The following TLR3 variants were observed in gnomAD, a reference collection of about 807,000 sequenced individuals.
The protein encoded by TLR3 is toll-like receptor 3.
TLR3 carries 43 observed loss-of-function variants against 66.4 expected under a neutral mutation model. The observed-to-expected ratio is 0.65, with a 90% CI of 0.51 to 0.83. The LOEUF (loss-of-function observed/expected upper bound fraction) is 0.83. Among genes scored for constraint, TLR3 ranks in the 40% least tolerant of loss-of-function variants. The pLI, the probability that TLR3 is intolerant of heterozygous loss-of-function variation, is 0.00. For synonymous variants in TLR3, 397 were observed against 397.2 expected, an observed-to-expected ratio of 1.00 and a Z score of 0.01; for missense variants, 982 against 1,044.6, an observed-to-expected ratio of 0.94 and a Z score of 0.83.
intron 4 of TLR3, 49 bp downstream of exon 4, chr4:186,084,221 A>ATT: frequency 6.8e-7 from 1 of 1,481,334 alleles, no homozygotes; most frequent in Non-Finnish European, 9.3e-7. Context: ...TTTCAATTAA[A>ATT]TTTCTTTTTT....
chr4:186,075,474 T>C (rs948998669), intron 1 of TLR3, among the ~76,000 whole-genome samples: 1 of 151,866 alleles, frequency 6.6e-6, no homozygotes, highest in Non-Finnish European at 1.5e-5. Context: ...ATTTAAAAAA[T>C]AATAAAAAAT....
rs1225303047 is a variant in TLR3, at chr4:186,076,946, T to C, written c.327T>C (p.Asn109=). 6.2e-7 allele frequency: 1 copy of C among 1,614,202 alleles called. No individual in the cohort carries two copies. Among genetic ancestry groups the C allele is most frequent in the Non-Finnish European group, 8.5e-7 (1 of 1,180,038 alleles). ...TAAAAGTTTTGAACCTCCAGCACAA[T>C]GAGCTATCTCAACTTTCTGATAAAA... ...PMLKVLNLQH[N]ELSQLSDKTF... The change falls in exon 2 of 5, where the codon AAT becomes AAC. Residue 109 remains asparagine, a synonymous_variant. Coordinates refer to ENST00000296795, the MANE Select transcript of TLR3 (RefSeq NM_003265.3).
chr4:186,076,231 A>G (rs183466000), intron 1 of TLR3, among the ~76,000 whole-genome samples: 4 of 152,358 alleles, frequency 2.6e-5, no homozygotes, highest in East Asian at 3.9e-4. Flanking sequence ...AGAATGAGAG[A>G]AAAATATAAT....
rs777541344 is a variant in TLR3, at chr4:186,083,663, T to C, written c.1977T>C (p.Asn659=). 8 of 1,596,510 alleles carry C rather than the reference T, an allele frequency of 5.0e-6. No homozygotes were observed. In the East Asian group the frequency reaches 6.7e-5, roughly 13 times the overall value. Residue 659 remains asparagine (N), a synonymous_variant, in exon 4 of 5, where the codon AAT becomes AAC. Coordinates refer to ENST00000296795, the MANE Select transcript of TLR3 (RefSeq NM_003265.3). The surrounding 1 kb of genome is among the most constrained non-coding windows in gnomAD (Gnocchi z 4.0). ...CTCESIAWFV[N]WINETHTNIP... ...GTGAAAGTATTGCCTGGTTTGTTAA[T>C]TGGATTAACGAGACCCATACCAACA...
At position 186,083,724 on chromosome 4, in the gene TLR3, C is replaced by A; in HGVS notation, c.2038C>A (p.Pro680Thr). 2 of 1,611,558 alleles carry A rather than the reference C, an allele frequency of 1.2e-6. No homozygotes were observed. The highest frequency in any genetic ancestry group is 1.7e-6 in the Non-Finnish European group (2 of 1,178,820). The change falls in exon 4 of 5, where the codon CCA becomes ACA. Residue 680 changes from proline to threonine, a missense_variant. Around this residue, in one of 3 missense-constraint regions of TLR3, gnomAD observed 666 missense variants for 709.0 expected, o/e 0.94. Coordinates refer to ENST00000296795, the MANE Select transcript of TLR3 (RefSeq NM_003265.3). This position sits in a 1 kb window ranked among gnomAD's most constrained non-coding sequence, Gnocchi z 4.0. ...ELSSHYLCNT[P>T]PHYHGFPVRL... ...GTCAAGCCACTACCTTTGCAACACT[C>A]CACCTCACTATCATGGGTTCCCAGT...
chr4:186,080,255 A>G lies in TLR3; in HGVS notation c.633+1224A>G, dbSNP rs563655604. ...CCTAAGATATTAAGATGTTTTGTGC[A>G]AGCTCTTCATTTTATTTTTTAAACT... On this transcript the variant is annotated intron_variant, in intron 3 of 4. Transcript: ENST00000296795. Among the ~76,000 whole-genome samples, 4 of 152,202 alleles carry G rather than the reference A, an allele frequency of 2.6e-5. No individual in the cohort carries two copies. In the South Asian group the frequency reaches 6.2e-4, roughly 24 times the overall value.
intron 1 of TLR3, among the ~76,000 whole-genome samples, chr4:186,074,464 T>C (rs2099302091): frequency 6.6e-6 from 1 of 152,218 alleles, no homozygotes; most frequent in Admixed American, 6.5e-5. Context: ...ATAGGGCACT[T>C]ACCACGAGTG....
At chr4:186,081,997 C>A (rs901769136) in intron 3 of TLR3, 2 of 319,944 alleles carry the variant, frequency 6.3e-6, no homozygotes, top group South Asian at 3.5e-5. Context: ...GAGGCTGAGG[C>A]GGGCGGATCA....
In TLR3 at chr4:186,072,291, C is replaced by G. The variant is rs554359679; in HGVS notation, c.-8+3043C>G. On this transcript the variant is annotated intron_variant, in intron 1 of 4. Transcript: ENST00000296795. ...AAGAAGAGAGAAGGGGAAGGTGCCA[C>G]ACACTTTTATTTTTTTATTATTTAT... Among the ~76,000 whole-genome samples the G allele has an allele frequency of 1.6e-4, 24 of 152,254 alleles. No individual in the cohort carries two copies. The South Asian group carries it at 5.0e-3, about 32-fold the overall frequency.
chr4:186,081,672 A>G (rs1222488162), intron 3 of TLR3: 1 of 152,486 alleles, frequency 6.6e-6, no homozygotes, highest in Non-Finnish European at 1.5e-5. Flanking sequence ...TATTCATTGC[A>G]ATTGTTCTCA....
Position 186,084,183 on chromosome 4 carries a change from AT to A in TLR3, c.2486+13del. On this transcript the variant is annotated intron_variant, in intron 4 of 4. Coordinates refer to ENST00000296795, the MANE Select transcript of TLR3 (RefSeq NM_003265.3). ...CCCATTATGCAAAAGGTAGGTAAAC[AT>A]TGTGAAATTTTAAGTGTGTACTTGC... 6.2e-7 allele frequency: 1 copy of A among 1,611,866 alleles called. No homozygotes were observed. The highest frequency in any genetic ancestry group is 8.5e-7 in the Non-Finnish European group (1 of 1,178,672).
chr4:186,078,846 A>T lies in TLR3; in HGVS notation c.448A>T (p.Ile150Phe), dbSNP rs2099302909. ...NNPFVKQKNL[I>F]TLDLSHNGLS... ...TATTATTTTTTCCCTTCAGAATTTA[A>T]TCACATTAGATCTGTCTCATAATGG... is the stretch of plus-strand genomic sequence containing the variant. The change falls in exon 3 of 5, where the codon ATC becomes TTC. Residue 150 changes from isoleucine (I) to phenylalanine (F), a missense_variant. Ile to Phe is a conservative substitution (Grantham distance 21). Transcript: ENST00000296795. 3.7e-6 allele frequency: 6 copies of T among 1,613,794 alleles called. No homozygotes were observed. The highest frequency in any genetic ancestry group is 5.1e-6 in the Non-Finnish European group (6 of 1,179,854).
chr4:186,079,039 G>A lies in TLR3; in HGVS notation c.633+8G>A. On this transcript the variant is annotated splice_region_variant and intron_variant, in intron 3 of 4. Coordinates refer to ENST00000296795, the MANE Select transcript of TLR3 (RefSeq NM_003265.3). ...TCGAATCAAATTAAAGAGGTAAGAA[G>A]TAAGGTAAAATTATTTTGCATTCTG... 6.2e-7 allele frequency: 1 copy of A among 1,609,910 alleles called. No homozygotes were observed. Among genetic ancestry groups the A allele is most frequent in the Non-Finnish European group, 8.5e-7 (1 of 1,177,184 alleles).
At position 186,078,865 on chromosome 4, in the gene TLR3, A is replaced by G. The variant is rs1248928733; in HGVS notation, c.467A>G (p.His156Arg). The change falls in exon 3 of 5, where the codon CAT (histidine) becomes CGT (arginine). Residue 156 changes from histidine to arginine, a missense_variant. By Grantham distance (29) the His-to-Arg change is conservative. Transcript: ENST00000296795. ...AATTTAATCACATTAGATCTGTCTCATAATGGCTTGTCATCTACAAAATTA... is the reference window on the plus strand; with the variant it reads ...AATTTAATCACATTAGATCTGTCTCGTAATGGCTTGTCATCTACAAAATTA... ...QKNLITLDLS[H>R]NGLSSTKLGT... 22 of 1,613,936 alleles carry G rather than the reference A, an allele frequency of 1.4e-5. No individual in the cohort carries two copies. Among genetic ancestry groups the G allele is most frequent in the Non-Finnish European group, 1.8e-5 (21 of 1,179,962 alleles).
intron 1 of TLR3, among the ~76,000 whole-genome samples, chr4:186,072,710 G>A (rs1354639778): frequency 1.3e-5 from 2 of 152,176 alleles, no homozygotes; most frequent in South Asian, 4.1e-4. Flanking sequence ...TGAGAACTCT[G>A]CCCCATGAGC....
chr4:186,087,392 G>A lies in TLR3; in HGVS notation c.*2519G>A, dbSNP rs888676982. The A allele has an allele frequency of 3.9e-5, 6 of 152,140 alleles. No individual in the cohort carries two copies. The highest frequency in any genetic ancestry group is 1.3e-4 in the Admixed American group (2 of 15,266). The allele number at this position is 152,140 out of a possible 1,614,324, so 9.4% of individuals were successfully genotyped here. ...AGGCTGTCCTGTGTAATTGTTCTCC[G>A]GAGGAACCCTTGTCCCTGGGGTTTG... On this transcript the variant is annotated 3_prime_UTR_variant, in exon 5 of 5. Coordinates refer to ENST00000296795, the MANE Select transcript of TLR3 (RefSeq NM_003265.3).
At chr4:186,080,278 A>G (rs937248389) in intron 3 of TLR3, among the ~76,000 whole-genome samples, 2 of 152,210 alleles carry the variant, frequency 1.3e-5, no homozygotes, top group Admixed American at 6.5e-5. Flanking sequence ...TATTTTTTAA[A>G]CTGCATTTTT....
In TLR3 at chr4:186,082,413, T is replaced by C. The variant is rs75290011; in HGVS notation, c.727T>C (p.Leu243=). Reference sequence around the variant, plus strand: ...TCCCAGCCTTACAGAGAAGCTATGTTTGGAATTAGCAAACACAAGCATTCG... The same window carrying C: ...TCCCAGCCTTACAGAGAAGCTATGTCTGGAATTAGCAAACACAAGCATTCG... ...LGPSLTEKLC[L]ELANTSIRNL... is the part of the protein sequence containing the mutation. Residue 243 remains leucine, a synonymous_variant, in exon 4 of 5, where the codon TTG becomes CTG. Transcript: ENST00000296795. The C allele has an allele frequency of 3.4e-4, 554 of 1,614,074 alleles. 1 individual carries two copies. In the African/African-American group the frequency reaches 6.5e-3, roughly 19 times the overall value.
chr4:186,086,089 C>T lies in TLR3; in HGVS notation c.*1216C>T, dbSNP rs1294660735. 2 of 152,240 alleles carry T rather than the reference C, an allele frequency of 1.3e-5. No homozygotes were observed. Among genetic ancestry groups the T allele is most frequent in the African/African-American group, 2.4e-5 (1 of 41,452 alleles). 9.4% of individuals were successfully genotyped at this position (152,240 alleles called of 1,614,324 possible). On this transcript the variant is annotated 3_prime_UTR_variant, in exon 5 of 5. Transcript: ENST00000296795. ...ATGTTGGCCAGGCTGGTCTTGAACT[C>T]CTGACCTCAAGTGATCCTCTCGCCT...
Sources: allele counts gnomAD v4.1 joint callset (sites outside exome capture counted in the v4.1 genomes callset), GRCh38; gene constraint gnomAD v4.1.1; regional missense constraint gnomAD v4.1.1; non-coding constraint Gnocchi (gnomAD v3.1); transcripts MANE v1.5; gene names NCBI Gene and HGNC (gene_info 2026-07-23, HGNC 2026-07-21).